The following CAPN9 variants were observed in gnomAD, a reference collection of about 807,000 sequenced individuals.
The protein encoded by CAPN9 is calpain 9, also known as calpain-9.
In CAPN9, 81 loss-of-function variants were observed where a neutral mutation model predicts 92.8. The observed-to-expected ratio is 0.87, with a 90% confidence interval of 0.73 to 1.05. The LOEUF is 1.05. CAPN9 is among the 50% of genes least tolerant of loss of function. CAPN9 has a pLI of 0.00. For missense variants in CAPN9, 848 were observed against 866.2 expected (o/e 0.98, Z 0.26); for synonymous variants, 304 against 328.0 (o/e 0.93, Z 0.79).
chr1:230,796,329 TATAA>T (rs67443675), intron 18 of CAPN9, among the ~76,000 whole-genome samples: 32,281 of 141,992 alleles, frequency 0.23, 3,827 homozygotes, highest in Middle Eastern at 0.29. Context: ...ATCTCAAAAA[TATAA>T]ATAAATAAAT....
Position 230,801,597 on chromosome 1 carries a change from GGCT to G in CAPN9, c.*4_*6del. 1 of 1,613,900 alleles carries G rather than the reference GGCT, an allele frequency of 6.2e-7. No individual in the cohort carries two copies. Among genetic ancestry groups the G allele is most frequent in the Non-Finnish European group, 8.5e-7 (1 of 1,179,868 alleles). On this transcript the variant is annotated 3_prime_UTR_variant, in exon 20 of 20. Transcript: ENST00000271971. The stretch of plus-strand genomic sequence containing the variant: ...CATCCATTTGACAATGAACATCTGA[GGCT>G]GCCTTGTAGAGATGCAGCCTGCCCA...
chr1:230,800,666 A>T (rs1003305685), intron 19 of CAPN9, among the ~76,000 whole-genome samples: 1 of 152,122 alleles, frequency 6.6e-6, no homozygotes. Context: ...CCATCTTTAC[A>T]TCTGGCTGCA....
chr1:230,783,475 G>A (rs962826745), intron 11 of CAPN9, among the ~76,000 whole-genome samples: 3 of 152,150 alleles, frequency 2.0e-5, no homozygotes, highest in Non-Finnish European at 4.4e-5. Context: ...GTGAATTCTT[G>A]TGAGATGTGG....
At chr1:230,750,157 A>C (rs998833454) in intron 1 of CAPN9, among the ~76,000 whole-genome samples, 1 of 152,076 alleles carries the variant, frequency 6.6e-6, no homozygotes, top group African/African-American at 2.4e-5. Context: ...TGAGGCCTTC[A>C]TCCACAGGCC....
chr1:230,767,870 G>C (rs1057043305), intron 5 of CAPN9, among the ~76,000 whole-genome samples, 161 bp downstream of exon 5: 2 of 151,930 alleles, frequency 1.3e-5, no homozygotes, highest in Non-Finnish European at 2.9e-5. Flanking sequence ...ACAAGTTTTG[G>C]GGGGAGGTGG....
At chr1:230,770,016 G>A (rs920360583) in intron 6 of CAPN9, among the ~76,000 whole-genome samples, 1 of 152,136 alleles carries the variant, frequency 6.6e-6, no homozygotes, top group Non-Finnish European at 1.5e-5. Flanking sequence ...AGGCTATTCG[G>A]AGTTCAGCTT....
chr1:230,792,565 G>T (rs564810655), intron 16 of CAPN9, 71 bp downstream of exon 16: 3 of 1,231,090 alleles, frequency 2.4e-6, no homozygotes, highest in African/African-American at 3.0e-5. Flanking sequence ...ATTTAAAATG[G>T]TGCAGCAGGC....
chr1:230,798,036 C>G, intron 18 of CAPN9, 126 bp from the exon 19 acceptor site: 2 of 709,710 alleles, frequency 2.8e-6, no homozygotes, highest in East Asian at 2.6e-5. Context: ...GATGAAAGTC[C>G]TTGTTTACCA....
At chr1:230,779,182 C>A in intron 9 of CAPN9, 49 bp downstream of exon 9, 1 of 1,563,186 alleles carries the variant, frequency 6.4e-7, no homozygotes, top group Non-Finnish European at 8.8e-7. Flanking sequence ...GTGTCCCTTC[C>A]AACTCAGGAC....
chr1:230,782,710 A>T (rs1245108043), intron 11 of CAPN9, among the ~76,000 whole-genome samples: 2 of 152,084 alleles, frequency 1.3e-5, no homozygotes, highest in Non-Finnish European at 2.9e-5. Flanking sequence ...GGAGTTAGGG[A>T]TGCAGCTTCA....
intron 2 of CAPN9, among the ~76,000 whole-genome samples, chr1:230,756,115 C>G (rs1665212401): frequency 6.6e-6 from 1 of 151,904 alleles, no homozygotes; most frequent in Non-Finnish European, 1.5e-5. Context: ...GTGAAATCAG[C>G]CTAGAGAACA....
chr1:230,792,766 C>CG lies in CAPN9; in HGVS notation c.1792-81dup, dbSNP rs767548438. 1,007 of 1,167,598 alleles carry CG rather than the reference C, an allele frequency of 8.6e-4. 2 individuals are homozygous for CG. The highest frequency in any genetic ancestry group is 3.0e-3 in the East Asian group (129 of 42,832). The allele number at this position is 1,167,598 out of a possible 1,614,324, so 72.3% of individuals were successfully genotyped here. A position where few individuals can be genotyped will look rare whatever the true frequency, so the allele number is the denominator to read the frequency against. Reference sequence around the variant, plus strand: ...TGCGGCCCCTAGAGGGTAGCTCCCCCGGGCTGGCTGTCACCCATTTACTGC... The same window carrying CG: ...TGCGGCCCCTAGAGGGTAGCTCCCCCGGGGCTGGCTGTCACCCATTTACTGC... On this transcript the variant is annotated intron_variant, in intron 16 of 19. Coordinates refer to ENST00000271971, the MANE Select transcript of CAPN9 (RefSeq NM_006615.3).
chr1:230,770,307 G>A (rs1230835548), intron 6 of CAPN9, among the ~76,000 whole-genome samples: 1 of 152,148 alleles, frequency 6.6e-6, no homozygotes, highest in Non-Finnish European at 1.5e-5. Context: ...CAGGCACCCA[G>A]GAAGAGAGAG....
At chr1:230,769,801 AC>A (rs1666271984) in intron 6 of CAPN9, among the ~76,000 whole-genome samples, 1 of 152,100 alleles carries the variant, frequency 6.6e-6, no homozygotes, top group African/African-American at 2.4e-5. Context: ...AGCCTACTCA[AC>A]ATGAAGATAA....
At chr1:230,760,455 C>T (rs533578299) in intron 3 of CAPN9, among the ~76,000 whole-genome samples, 17 of 152,308 alleles carry the variant, frequency 1.1e-4, no homozygotes, top group African/African-American at 3.8e-4. Flanking sequence ...GACTCACAGG[C>T]CACCACTCAG....
At chr1:230,755,130 G>A (rs888409752) in intron 1 of CAPN9, among the ~76,000 whole-genome samples, 11 of 152,148 alleles carry the variant, frequency 7.2e-5, no homozygotes, top group Non-Finnish European at 1.3e-4. Flanking sequence ...TCTCCCCGGC[G>A]GAGGAGATTT....
chr1:230,796,695 C>A (rs529189349), intron 18 of CAPN9, among the ~76,000 whole-genome samples: 2 of 152,266 alleles, frequency 1.3e-5, no homozygotes, highest in African/African-American at 4.8e-5. Flanking sequence ...GAAACAGAAT[C>A]CGTTATTAGA....
chr1:230,791,557 T>G (rs1244274682), intron 14 of CAPN9, among the ~76,000 whole-genome samples: 1 of 152,226 alleles, frequency 6.6e-6, no homozygotes, highest in Non-Finnish European at 1.5e-5. Context: ...TTATTTCACT[T>G]CCAAATTTTT....
rs376059313 is a variant in CAPN9, at chr1:230,795,123, G to A, written c.1871-40G>A. 7.4e-5 allele frequency: 97 copies of A among 1,319,592 alleles called. No homozygotes were observed. In the African/African-American group the frequency reaches 1.1e-3, roughly 15 times the overall value. The allele number at this position is 1,319,592 out of a possible 1,614,324, so 81.7% of individuals were successfully genotyped here. A position where few individuals can be genotyped will look rare whatever the true frequency, so the allele number is the denominator to read the frequency against. Reference sequence around the variant, plus strand: ...AAGGTGCAGACTCACCTCGGGGCTCGGATACAGCGAGTCCTGGGTCTCCTC... The same window carrying A: ...AAGGTGCAGACTCACCTCGGGGCTCAGATACAGCGAGTCCTGGGTCTCCTC... On this transcript the variant is annotated intron_variant, in intron 17 of 19. Transcript: ENST00000271971.
Sources: allele counts gnomAD v4.1 joint callset (sites outside exome capture counted in the v4.1 genomes callset), GRCh38; gene constraint gnomAD v4.1.1; transcripts MANE v1.5; gene names NCBI Gene and HGNC (gene_info 2026-07-23, HGNC 2026-07-21).